The following AP4S1 variants were observed in gnomAD, a reference collection of about 807,000 sequenced individuals.
AP4S1 encodes the protein adaptor related protein complex 4 subunit sigma 1.
A neutral mutation model predicts 19.8 loss-of-function variants in AP4S1; 23 were observed. The observed-to-expected ratio is 1.16, with a 90% CI of 0.84 to 1.65. The LOEUF is 1.65. Ranked by LOEUF, AP4S1 falls within the 40% of genes most tolerant of loss-of-function variation. AP4S1 has a pLI of 0.00. For synonymous variants in AP4S1, 46 were observed against 54.1 expected, an observed-to-expected ratio of 0.85 and a Z score of 0.66; for missense variants, 166 against 172.8, an observed-to-expected ratio of 0.96 and a Z score of 0.22.
chr14:31,065,010 AG>A (rs1158692995), intron 1 of AP4S1, among the ~76,000 whole-genome samples: 2 of 152,188 alleles, frequency 1.3e-5, no homozygotes, highest in Non-Finnish European at 2.9e-5. Flanking sequence ...AGAATTGCTC[AG>A]CACAGCACCT....
chr14:31,047,463 C>T (rs1293056215), intron 1 of AP4S1, among the ~76,000 whole-genome samples: 1 of 150,040 alleles, frequency 6.7e-6, no homozygotes, highest in African/African-American at 2.5e-5. Context: ...TCTTGACTCA[C>T]TGCAAGCTCT....
At chr14:31,051,664 T>G (rs1464971636) in intron 1 of AP4S1, among the ~76,000 whole-genome samples, 1 of 152,178 alleles carries the variant, frequency 6.6e-6, no homozygotes, top group African/African-American at 2.4e-5. Flanking sequence ...GTATTCAATT[T>G]ATTTATTTAT....
chr14:31,063,224 A>G (rs549410183), intron 1 of AP4S1, among the ~76,000 whole-genome samples: 2 of 152,284 alleles, frequency 1.3e-5, no homozygotes, highest in African/African-American at 4.8e-5. Context: ...TGAGGTCAGG[A>G]GTTCGAGACC....
At chr14:31,072,232 C>T (rs1245082479) in intron 3 of AP4S1, among the ~76,000 whole-genome samples, 6 of 152,004 alleles carry the variant, frequency 3.9e-5, no homozygotes, top group African/African-American at 7.2e-5. Context: ...TGAGCCATTA[C>T]GCCAAGCCTA....
At chr14:31,079,502 T>C (rs768885731) in intron 4 of AP4S1, among the ~76,000 whole-genome samples, 1 of 152,070 alleles carries the variant, frequency 6.6e-6, no homozygotes, top group Non-Finnish European at 1.5e-5. Context: ...TCAATATTGC[T>C]GTGAACCTAA....
rs1398903989 is a variant in AP4S1, at chr14:31,039,572, G to GTT, written c.-72+13802_-72+13803dup. Among the ~76,000 whole-genome samples the GTT allele has an allele frequency of 4.3e-3, 496 of 115,756 alleles. 14 individuals are homozygous for GTT. Among genetic ancestry groups the GTT allele is most frequent in the South Asian group, 6.2e-3 (24 of 3,898 alleles). The allele number at this position is 115,756 out of a possible 152,430, so 75.9% of individuals were successfully genotyped here. On this transcript the variant is annotated intron_variant, in intron 1 of 5. Coordinates refer to ENST00000542754, the MANE Select transcript of AP4S1 (RefSeq NM_001128126.3). ...TCTTAAATACAATAGGTGTAGTTTT[G>GTT]TTTTTTTTTTTTTTTTTTGAGACGG... is the stretch of plus-strand genomic sequence containing the variant.
intron 3 of AP4S1, among the ~76,000 whole-genome samples, chr14:31,072,108 T>G (rs959351511): frequency 6.6e-6 from 1 of 151,736 alleles, no homozygotes; most frequent in Non-Finnish European, 1.5e-5. Flanking sequence ...GCCCAGCTAA[T>G]TTTTGTATTT....
chr14:31,062,694 G>A (rs547712338), intron 1 of AP4S1, among the ~76,000 whole-genome samples: 36 of 152,260 alleles, frequency 2.4e-4, no homozygotes, highest in African/African-American at 3.8e-4. Flanking sequence ...TTGGCCAGGC[G>A]CGGTGGCTCA....
intron 5 of AP4S1, among the ~76,000 whole-genome samples, chr14:31,083,822 G>A (rs879702663): frequency 8.6e-5 from 13 of 151,866 alleles, no homozygotes; most frequent in South Asian, 4.2e-4. Flanking sequence ...GAAAAATATC[G>A]GATTAAAAAC....
intron 5 of AP4S1, chr14:31,085,583 G>C: frequency 1.1e-6 from 1 of 908,766 alleles, no homozygotes; most frequent in Non-Finnish European, 1.3e-6. Flanking sequence ...AGACCAGCCT[G>C]GGCAACATAG....
In AP4S1 at chr14:31,069,591, C is replaced by G. The variant is rs183982430; in HGVS notation, c.139-252C>G. 2.6e-5 allele frequency among the ~76,000 whole-genome samples: 4 copies of G among 152,276 alleles called. No individual in the cohort carries two copies. In the East Asian group the frequency reaches 7.7e-4, roughly 29 times the overall value. The stretch of plus-strand genomic sequence containing the variant: ...TTCCACGCAGAGCAAAGCAAAGGAA[C>G]AAGAAGGAGTGTAAGTGGGAACCCA... On this transcript the variant is annotated intron_variant, in intron 2 of 5. Coordinates refer to ENST00000542754, the MANE Select transcript of AP4S1 (RefSeq NM_001128126.3).
chr14:31,043,321 C>G (rs1185371304), intron 1 of AP4S1, among the ~76,000 whole-genome samples: 4 of 151,436 alleles, frequency 2.6e-5, no homozygotes, highest in African/African-American at 4.9e-5. Flanking sequence ...AAGACTTTAA[C>G]AGAAAAAAGA....
chr14:31,076,714 A>T (rs975672964), intron 4 of AP4S1, among the ~76,000 whole-genome samples: 1 of 152,100 alleles, frequency 6.6e-6, no homozygotes, highest in African/African-American at 2.4e-5. Flanking sequence ...CATAAATGTA[A>T]GTGTTTATTT....
intron 1 of AP4S1, chr14:31,026,216 C>T (rs1883915693): frequency 2.2e-6 from 3 of 1,384,174 alleles, no homozygotes; most frequent in Admixed American, 3.7e-5. Context: ...GGGCGCAGGG[C>T]GAGACGCCGA....
intron 1 of AP4S1, among the ~76,000 whole-genome samples, chr14:31,043,263 T>C (rs1885213382): frequency 6.6e-6 from 1 of 151,996 alleles, no homozygotes; most frequent in African/African-American, 2.4e-5. Context: ...ACCTGTATGT[T>C]TAATGCCAAA....
Position 31,034,462 on chromosome 14 carries a change from T to G in AP4S1, c.-72+8675T>G, listed in dbSNP as rs572048773. Among the ~76,000 whole-genome samples the G allele has an allele frequency of 1.1e-4, 17 of 151,820 alleles. 1 individual carries two copies. The South Asian group carries it at 2.7e-3, about 24-fold the overall frequency. ...GTGTTATACAGTGTTGTGCATAGAC[T>G]TTTTTTGGGGGGGAAACAAACTCTC... On this transcript the variant is annotated intron_variant, in intron 1 of 5. Coordinates refer to ENST00000542754, the MANE Select transcript of AP4S1 (RefSeq NM_001128126.3).
intron 1 of AP4S1, among the ~76,000 whole-genome samples, chr14:31,041,019 T>G (rs947263626): frequency 6.8e-6 from 1 of 146,352 alleles, no homozygotes; most frequent in Non-Finnish European, 1.5e-5. Flanking sequence ...GAGCTAACAG[T>G]GAGCTGAGAT....
chr14:31,029,190 C>T (rs1884236929), intron 1 of AP4S1, among the ~76,000 whole-genome samples: 1 of 152,182 alleles, frequency 6.6e-6, no homozygotes, highest in Admixed American at 6.5e-5. Flanking sequence ...TATTGTCTCT[C>T]TTTATACTTT....
chr14:31,062,714 TC>T (rs564481360), intron 1 of AP4S1, among the ~76,000 whole-genome samples: 9 of 151,898 alleles, frequency 5.9e-5, no homozygotes, highest in Non-Finnish European at 1.2e-4. Flanking sequence ...ATGCCTGTAA[TC>T]CCAGCACTGT....
Sources: gnomAD v4.1 joint callset for allele counts (sites outside exome capture counted in the v4.1 genomes callset) on GRCh38, gnomAD v4.1.1 for gene constraint, MANE v1.5 for transcripts, NCBI Gene and HGNC (gene_info 2026-07-23, HGNC 2026-07-21) for gene names.